Variants in FALEC observed in about 807,000 individuals in gnomAD.
FALEC encodes focally amplified lncRNA on chromosome 1.
downstream of FALEC, among the ~76,000 whole-genome samples, chr1:150,519,999 A>G (rs935220926): frequency 1.1e-4 from 17 of 151,966 alleles, no homozygotes; most frequent in African/African-American, 4.1e-4. Flanking sequence ...AAAATACAAA[A>G]TTAGCCGGGT....
downstream of FALEC, among the ~76,000 whole-genome samples, chr1:150,519,575 G>A (rs587770289): frequency 8.9e-4 from 135 of 151,776 alleles, 1 homozygote; most frequent in African/African-American, 3.1e-3. Flanking sequence ...ACAAAATTAG[G>A]GCCAGGCACG....
chr1:150,522,820 C>A (rs1670660953), downstream of FALEC, among the ~76,000 whole-genome samples: 1 of 139,776 alleles, frequency 7.2e-6, no homozygotes, highest in African/African-American at 2.7e-5. Context: ...TGGAGGTATA[C>A]TGGATTAATG....
downstream of FALEC, among the ~76,000 whole-genome samples, chr1:150,522,971 A>AT (rs1560270847): frequency 4.6e-3 from 146 of 31,550 alleles, 14 homozygotes; most frequent in Non-Finnish European, 7.1e-3. Flanking sequence ...ATATATATAT[A>AT]TATATATATA....
chr1:150,522,324 AG>A, downstream of FALEC, among the ~76,000 whole-genome samples: 2 of 151,668 alleles, frequency 1.3e-5, no homozygotes, highest in South Asian at 4.2e-4. Context: ...TTTCCAGCTT[AG>A]AAGTTGGTAG....
chr1:150,529,059 G>C, the FALEC span, among the ~76,000 whole-genome samples: 12 of 145,286 alleles, frequency 8.3e-5, no homozygotes, highest in Non-Finnish European at 1.5e-4. Flanking sequence ...CTAGAGCACA[G>C]GTGGAGGGAG....
downstream of FALEC, among the ~76,000 whole-genome samples, chr1:150,518,454 G>A (rs150366605): frequency 8.6e-5 from 13 of 150,866 alleles, no homozygotes; most frequent in Non-Finnish European, 1.5e-4. Flanking sequence ...GCGTGATCTC[G>A]GCTCACCGCA....
chr1:150,528,706 C>G, the FALEC span, among the ~76,000 whole-genome samples: 1 of 151,804 alleles, frequency 6.6e-6, no homozygotes, highest in South Asian at 2.1e-4. Context: ...CTCAGCCTCC[C>G]GAGTAGTAAC....
chr1:150,522,914 C>CAT (rs1261578244), downstream of FALEC, among the ~76,000 whole-genome samples: 8 of 58,776 alleles, frequency 1.4e-4, no homozygotes, highest in South Asian at 4.6e-4. Context: ...CATATATATA[C>CAT]ATATATATAT....
chr1:150,527,722 C>T, the FALEC span, among the ~76,000 whole-genome samples: 10 of 152,102 alleles, frequency 6.6e-5, no homozygotes, highest in African/African-American at 2.4e-4. Flanking sequence ...TGGTGGTGGG[C>T]ACCTGTGATT....
chr1:150,531,939 C>G, the FALEC span, among the ~76,000 whole-genome samples: 1 of 152,346 alleles, frequency 6.6e-6, no homozygotes, highest in African/African-American at 2.4e-5. Flanking sequence ...CACCCTTGCT[C>G]TGTCGCCCAG....
the FALEC span, among the ~76,000 whole-genome samples, chr1:150,525,792 C>A: frequency 1.3e-5 from 2 of 152,132 alleles, no homozygotes; most frequent in Non-Finnish European, 2.9e-5. Flanking sequence ...ACTGGAACTA[C>A]AGGCACACAC....
downstream of FALEC, among the ~76,000 whole-genome samples, chr1:150,522,350 T>C (rs1483390906): frequency 6.6e-6 from 1 of 150,710 alleles, no homozygotes; most frequent in East Asian, 1.9e-4. Context: ...TGGCCGGGAG[T>C]GGTGGCTCAC....
At chr1:150,529,016 C>CAAAAAAAAACAAAAA in the FALEC span, among the ~76,000 whole-genome samples, 1 of 59,292 alleles carries the variant, frequency 1.7e-5, no homozygotes, top group Non-Finnish European at 3.0e-5. Context: ...AAATAAATAG[C>CAAAAAAAAACAAAAA]AAAAAAAAAA....
chr1:150,519,247 TAG>T (rs918529306), downstream of FALEC, among the ~76,000 whole-genome samples: 1 of 152,164 alleles, frequency 6.6e-6, no homozygotes, highest in Non-Finnish European at 1.5e-5. Context: ...CCTTGATATT[TAG>T]AGTTATCACT....
At chr1:150,527,510 CA>C in the FALEC span, among the ~76,000 whole-genome samples, 2 of 152,128 alleles carry the variant, frequency 1.3e-5, no homozygotes, top group Non-Finnish European at 2.9e-5. Context: ...CTGCCCGCCT[CA>C]GCCTCCCAAA....
chr1:150,519,556 A>G (rs1380721288), downstream of FALEC, among the ~76,000 whole-genome samples: 9 of 151,994 alleles, frequency 5.9e-5, no homozygotes, highest in African/African-American at 2.2e-4. Flanking sequence ...CCCCATCTCT[A>G]CTAAAAATAC....
At chr1:150,519,716 G>C (rs886299810), downstream of FALEC, among the ~76,000 whole-genome samples, 6 of 152,056 alleles carry the variant, frequency 3.9e-5, no homozygotes, top group African/African-American at 1.4e-4. Flanking sequence ...AATTAGCCGG[G>C]CATGGTGGTG....
chr1:150,526,711 G>A, the FALEC span, among the ~76,000 whole-genome samples: 1 of 151,862 alleles, frequency 6.6e-6, no homozygotes, highest in Non-Finnish European at 1.5e-5. Flanking sequence ...CCGGCTCACT[G>A]CATGCTCCAC....
At chr1:150,534,798 T>G in the FALEC span, among the ~76,000 whole-genome samples, 12 of 145,722 alleles carry the variant, frequency 8.2e-5, no homozygotes, top group Admixed American at 8.5e-4. Flanking sequence ...GCTGAGATCA[T>G]GCCACTGCAC....
Sources: allele counts gnomAD v4.1 joint callset (sites outside exome capture counted in the v4.1 genomes callset), GRCh38; gene constraint gnomAD v4.1.1; transcripts MANE v1.5; gene names NCBI Gene and HGNC (gene_info 2026-07-23, HGNC 2026-07-21).